NMBR: variants seen among roughly 807,000 people sequenced by gnomAD.
The protein encoded by NMBR is neuromedin-B receptor.
NMBR carries 16 observed loss-of-function variants against 20.5 expected under a neutral mutation model. That is an observed-to-expected ratio of 0.78 (90% CI 0.53 to 1.19). The LOEUF (loss-of-function observed/expected upper bound fraction) is 1.19, where lower values mean the gene tolerates loss of function less well. Among genes scored for constraint, NMBR ranks in the 50% most tolerant of loss-of-function variants. The probability of loss-of-function intolerance (pLI) is 0.00; values close to 1 mark genes in which losing one functional copy is unlikely to be tolerated. For missense variants in NMBR, 582 were observed against 499.1 expected (o/e 1.17, Z -1.58); for synonymous variants, 212 against 196.6 (o/e 1.08, Z -0.65).
chr6:142,112,865 T>C (rs1468379745), intron 1 of NMBR, among the ~76,000 whole-genome samples: 1 of 128,608 alleles, frequency 7.8e-6, no homozygotes, highest in Non-Finnish European at 1.9e-5. Context: ...TATATAAATA[T>C]GATAATTAAT....
Position 142,084,800 on chromosome 6 carries a change from T to C in NMBR, c.422+3437A>G, listed in dbSNP as rs141916527. The stretch of plus-strand genomic sequence containing the variant: ...ACTCATATACAGAGAAAGAGATAAC[T>C]ATAACGCCAACCAGGAGCAAAATAT... On this transcript the variant is annotated intron_variant, in intron 2 of 3. Coordinates refer to ENST00000258042, the MANE Select transcript of NMBR (RefSeq NM_002511.4). 8.0e-3 allele frequency among the ~76,000 whole-genome samples: 1,217 copies of C among 152,254 alleles called. 21 individuals carry two copies. Among genetic ancestry groups the C allele is most frequent in the African/African-American group, 0.028 (1,159 of 41,548 alleles).
chr6:142,146,331 G>A (rs1778435004), intron 1 of NMBR, among the ~76,000 whole-genome samples: 1 of 152,142 alleles, frequency 6.6e-6, no homozygotes. Flanking sequence ...TGTGATTTCA[G>A]TGAAAACTAG....
chr6:142,084,604 T>C (rs559617365), intron 2 of NMBR, among the ~76,000 whole-genome samples: 2 of 152,306 alleles, frequency 1.3e-5, no homozygotes, highest in South Asian at 2.1e-4. Flanking sequence ...TGTTAATACA[T>C]GAAATTATGA....
chr6:142,141,074 C>T (rs1275031134), intron 1 of NMBR, among the ~76,000 whole-genome samples: 2 of 152,144 alleles, frequency 1.3e-5, no homozygotes, highest in Non-Finnish European at 2.9e-5. Flanking sequence ...TAATAAGCAA[C>T]TTGAACTAAT....
chr6:142,110,033 C>T (rs565217245), intron 1 of NMBR, among the ~76,000 whole-genome samples: 7 of 152,160 alleles, frequency 4.6e-5, no homozygotes, highest in African/African-American at 1.7e-4. Context: ...TTTGAATGAA[C>T]TAAGACAGAT....
intron 1 of NMBR, among the ~76,000 whole-genome samples, chr6:142,105,064 C>T (rs944144576): frequency 2.5e-4 from 37 of 150,498 alleles, no homozygotes; most frequent in African/African-American, 8.1e-4. Context: ...AAAGTACCTT[C>T]TCAAGGGTGG....
In NMBR at chr6:142,088,892, G is replaced by C; in HGVS notation, c.-234C>G. 1 of 372,014 alleles carries C rather than the reference G, an allele frequency of 2.7e-6. No individual in the cohort carries two copies. Among genetic ancestry groups the C allele is most frequent in the Non-Finnish European group, 4.6e-6 (1 of 219,244 alleles). 23.0% of individuals were successfully genotyped at this position (372,014 alleles called of 1,614,324 possible). Reference sequence around the variant, plus strand: ...GGGGGAAATGGCTCCGGCTAACTCTGAATTTAAATTAAAAAAAAAAAAAAA... The same window carrying C: ...GGGGGAAATGGCTCCGGCTAACTCTCAATTTAAATTAAAAAAAAAAAAAAA... On this transcript the variant is annotated 5_prime_UTR_variant, in exon 2 of 4. Coordinates refer to ENST00000258042, the MANE Select transcript of NMBR (RefSeq NM_002511.4).
intron 2 of NMBR, among the ~76,000 whole-genome samples, chr6:142,085,742 G>GT (rs920071494): frequency 1.3e-5 from 2 of 151,970 alleles, no homozygotes; most frequent in Admixed American, 6.5e-5. Context: ...ATCTTCCTGG[G>GT]TTTTTTTCTA....
chr6:142,134,010 A>G (rs1320402094), intron 1 of NMBR: 1 of 700,130 alleles, frequency 1.4e-6, no homozygotes, highest in Non-Finnish European at 2.6e-6. Context: ...TGTTACAATC[A>G]GTTCAGGCCA....
intron 1 of NMBR, among the ~76,000 whole-genome samples, chr6:142,143,315 C>T (rs1295260617): frequency 6.6e-6 from 1 of 152,178 alleles, no homozygotes; most frequent in African/African-American, 2.4e-5. Flanking sequence ...GACGGAGTCT[C>T]GCTCTGTCGC....
intron 1 of NMBR, among the ~76,000 whole-genome samples, chr6:142,145,063 G>A (rs892490296): frequency 3.4e-5 from 5 of 147,342 alleles, no homozygotes; most frequent in Non-Finnish European, 3.0e-5. Context: ...AAGGAAGGAA[G>A]GAGAAAAGAA....
chr6:142,112,149 A>T (rs1212285174), intron 1 of NMBR, among the ~76,000 whole-genome samples: 1 of 152,196 alleles, frequency 6.6e-6, no homozygotes, highest in East Asian at 1.9e-4. Context: ...CAAAATGAAA[A>T]AGAAAATAGT....
chr6:142,116,641 T>A (rs1410471152), intron 1 of NMBR, among the ~76,000 whole-genome samples: 1 of 152,072 alleles, frequency 6.6e-6, no homozygotes, highest in Non-Finnish European at 1.5e-5. Context: ...AGAGTCTTCC[T>A]TTTTGTAAAG....
intron 1 of NMBR, among the ~76,000 whole-genome samples, chr6:142,091,367 G>C (rs548625573): frequency 1.3e-5 from 2 of 152,104 alleles, no homozygotes; most frequent in African/African-American, 4.8e-5. Context: ...GGGACCGCAA[G>C]TGTGCCCCAC....
At chr6:142,128,051 A>C (rs1462939217) in intron 1 of NMBR, among the ~76,000 whole-genome samples, 1 of 151,944 alleles carries the variant, frequency 6.6e-6, no homozygotes, top group Non-Finnish European at 1.5e-5. Flanking sequence ...GACCTGTGGG[A>C]GATGTTTGGC....
At chr6:142,095,938 A>G (rs1252609857) in intron 1 of NMBR, among the ~76,000 whole-genome samples, 2 of 152,104 alleles carry the variant, frequency 1.3e-5, no homozygotes, top group African/African-American at 4.8e-5. Context: ...GTTTATTTGC[A>G]TAGAGGTGTT....
Position 142,074,871 on chromosome 6 carries a change from A to C in NMBR, c.*777T>G, listed in dbSNP as rs572771982. On this transcript the variant is annotated 3_prime_UTR_variant, in exon 4 of 4. Transcript: ENST00000258042. ...ATCATATTCATATGATACCTATTTT[A>C]CATTCATAATATAAATTATATTCAT... Among the ~76,000 whole-genome samples the C allele has an allele frequency of 1.3e-5, 2 of 152,224 alleles. No homozygotes were observed. Among genetic ancestry groups the C allele is most frequent in the African/African-American group, 4.8e-5 (2 of 41,560 alleles).
rs1483067539 is a variant in NMBR at position 142,075,630 on chromosome 6, T to C, written c.*18A>G. 4 of 1,587,220 alleles carry C rather than the reference T, an allele frequency of 2.5e-6. No homozygotes were observed. In the Admixed American group the frequency reaches 7.0e-5, roughly 28 times the overall value. On this transcript the variant is annotated 3_prime_UTR_variant, in exon 4 of 4. Transcript: ENST00000258042. ...CAGTTACTAAGTTCTCTCCAGGTAG[T>C]GAGTTGAATGGCCAAAATCACAGTG...
In NMBR at chr6:142,078,749, T is replaced by C; in HGVS notation, c.577A>G (p.Ser193Gly). 6.2e-7 allele frequency: 1 copy of C among 1,614,048 alleles called. No individual in the cohort carries two copies. Among genetic ancestry groups the C allele is most frequent in the South Asian group, 1.1e-5 (1 of 91,070 alleles). The change falls in exon 3 of 4, where the codon AGC (serine) becomes GGC (glycine). Residue 193 changes from serine to glycine, a missense_variant. Ser to Gly is a moderately conservative substitution (Grantham distance 56, BLOSUM62 0). Transcript: ENST00000258042. ...EVARISSLDN[S>G]SFTACIPYPQ... ...TATGGGATACATGCTGTGAAGCTGCTATTATCCAAGCTACTGATGCGAGCC... is the reference window on the plus strand; with the variant it reads ...TATGGGATACATGCTGTGAAGCTGCCATTATCCAAGCTACTGATGCGAGCC...
Sources: gnomAD v4.1 joint callset for allele counts (sites outside exome capture counted in the v4.1 genomes callset) on GRCh38, gnomAD v4.1.1 for gene constraint, MANE v1.5 for transcripts, NCBI Gene and HGNC (gene_info 2026-07-23, HGNC 2026-07-21) for gene names.